Variants in SASH1 observed in about 807,000 individuals in gnomAD.
SASH1 encodes the protein SAM and SH3 domain-containing protein 1.
SASH1 carries 44 observed loss-of-function variants against 125.2 expected under a neutral mutation model. The observed-to-expected ratio is 0.35, with a 90% confidence interval of 0.28 to 0.45. The LOEUF (loss-of-function observed/expected upper bound fraction) is 0.45. Ranked by LOEUF, SASH1 falls within the 20% of genes least tolerant of loss-of-function variation. The probability of loss-of-function intolerance (pLI) is 1.00; values close to 1 mark genes in which losing one functional copy is unlikely to be tolerated. For synonymous variants in SASH1, 639 were observed against 649.1 expected, an observed-to-expected ratio of 0.98 and a Z score of 0.24; for missense variants, 1,426 against 1,614.5, an observed-to-expected ratio of 0.88 and a Z score of 2.00.
At chr6:148,364,052 GGA>G in intron 1 of SASH1, among the ~76,000 whole-genome samples, 1 of 152,032 alleles carries the variant, frequency 6.6e-6, no homozygotes. Flanking sequence ...ATATAAAAAT[GGA>G]GAGTTAGAAA....
Position 148,548,708 on chromosome 6 carries a change from G to T in SASH1, c.*150G>T, listed in dbSNP as rs1425907305. On this transcript the variant is annotated 3_prime_UTR_variant, in exon 20 of 20. Transcript: ENST00000367467. Reference sequence around the variant, plus strand: ...CAAACAGCGTGAAACCTTGGCACAGGACTGAGGATCCTCTCCTCCAGAAAA... The same window carrying T: ...CAAACAGCGTGAAACCTTGGCACAGTACTGAGGATCCTCTCCTCCAGAAAA... 1.7e-5 allele frequency: 14 copies of T among 847,346 alleles called. No homozygotes were observed. The South Asian group carries it at 2.1e-4, about 13-fold the overall frequency. The allele number at this position is 847,346 out of a possible 1,614,324, so 52.5% of individuals were successfully genotyped here.
chr6:148,504,940 G>C (rs751553853), intron 8 of SASH1, among the ~76,000 whole-genome samples: 34 of 152,192 alleles, frequency 2.2e-4, no homozygotes, highest in Non-Finnish European at 4.0e-4. Context: ...GTCCTGTGCT[G>C]TGAGGAGAGG....
intron 7 of SASH1, chr6:148,479,702 CCTTTGGCCTGGCTG>C (rs1298294785): frequency 6.5e-6 from 1 of 154,264 alleles, no homozygotes; most frequent in African/African-American, 2.4e-5. Flanking sequence ...CGGCTTCAAG[CCTTTGGCCTGGCTG>C]CGGCCACGTT....
the SASH1 span, among the ~76,000 whole-genome samples, chr6:148,266,786 T>TG: frequency 0.072 from 10,924 of 151,718 alleles, 429 homozygotes; most frequent in Middle Eastern, 0.12. Context: ...TAATTTTTTT[T>TG]TTTTTGGTAG....
chr6:148,267,365 T>TTGTGTGTGTGTGTGTGTG (rs200228547), upstream of SASH1, among the ~76,000 whole-genome samples: 11,393 of 129,618 alleles, frequency 0.088, 699 homozygotes, highest in Non-Finnish European at 0.1. Flanking sequence ...CAGTACTACT[T>TTGTGTGTGTGTGTGTGTG]TGTGTGTGTG....
chr6:148,261,668 G>A, the SASH1 span, among the ~76,000 whole-genome samples: 2 of 152,246 alleles, frequency 1.3e-5, no homozygotes, highest in Admixed American at 6.5e-5. Flanking sequence ...ATATCTTTGG[G>A]GCTCTGAGGT....
chr6:148,314,064 C>T (rs1414515733), intron 1 of SASH1, among the ~76,000 whole-genome samples: 2 of 150,182 alleles, frequency 1.3e-5, no homozygotes, highest in East Asian at 3.8e-4. Context: ...CAGACATGGT[C>T]TAGAGAGAAA....
At position 148,549,526 on chromosome 6, in the gene SASH1, T is replaced by C. The variant is rs1414516099; in HGVS notation, c.*968T>C. 5.0e-6 allele frequency: 2 copies of C among 398,544 alleles called. No individual in the cohort carries two copies. The highest frequency in any genetic ancestry group is 1.3e-4 in the South Asian group (1 of 7,850). 24.7% of individuals were successfully genotyped at this position (398,544 alleles called of 1,614,324 possible). On this transcript the variant is annotated 3_prime_UTR_variant, in exon 20 of 20. Coordinates refer to ENST00000367467, the MANE Select transcript of SASH1 (RefSeq NM_015278.5). Reference sequence around the variant, plus strand: ...CAGTATTGACTTGGAATCCTGACCATGTCCATCCCAAAATTCAGTCCTCAG... The same window carrying C: ...CAGTATTGACTTGGAATCCTGACCACGTCCATCCCAAAATTCAGTCCTCAG...
At chr6:148,275,737 T>G (rs939635669) in intron 1 of SASH1, among the ~76,000 whole-genome samples, 2 of 152,216 alleles carry the variant, frequency 1.3e-5, no homozygotes, top group African/African-American at 4.8e-5. Context: ...GCAATTATTT[T>G]GGGGCGTGTG....
chr6:148,343,347 C>G (rs749834431), intron 1 of SASH1, 124 bp downstream of exon 1: 36 of 864,514 alleles, frequency 4.2e-5, no homozygotes, highest in Non-Finnish European at 5.9e-5. Flanking sequence ...TTCTCTGGCT[C>G]TAGTTCTTAG....
intron 4 of SASH1, among the ~76,000 whole-genome samples, chr6:148,453,936 A>T (rs980201080): frequency 6.6e-6 from 1 of 152,214 alleles, no homozygotes; most frequent in African/African-American, 2.4e-5. Flanking sequence ...GACCTCATGC[A>T]TCACAGCCCG....
At chr6:148,194,334 T>A in the SASH1 span, among the ~76,000 whole-genome samples, 34 of 152,312 alleles carry the variant, frequency 2.2e-4, no homozygotes, top group African/African-American at 7.2e-4. Flanking sequence ...TCCAGTGGGT[T>A]TTTTGTTTTT....
At chr6:148,356,532 T>C (rs556498597) in intron 1 of SASH1, among the ~76,000 whole-genome samples, 62 of 146,470 alleles carry the variant, frequency 4.2e-4, no homozygotes, top group African/African-American at 1.5e-3. Context: ...GGTTTTGCTC[T>C]TGTCTTGGCT....
intron 2 of SASH1, among the ~76,000 whole-genome samples, chr6:148,414,973 G>C (rs577458000): frequency 6.6e-6 from 1 of 152,292 alleles, no homozygotes; most frequent in East Asian, 1.9e-4. Context: ...CTGAGCCCAG[G>C]AAGAGTTAAT....
the SASH1 span, among the ~76,000 whole-genome samples, chr6:148,253,178 A>G: frequency 6.6e-6 from 1 of 152,210 alleles, no homozygotes; most frequent in African/African-American, 2.4e-5. Context: ...TTCTTATTTC[A>G]AAACTTACTA....
chr6:148,519,572 T>G lies in SASH1; in HGVS notation c.888T>G (p.Asn296Lys). The change falls in exon 10 of 20, where the codon AAT (asparagine) becomes AAG (lysine). Residue 296 changes from asparagine (N) to lysine (K), a missense_variant. This residue lies in a region of SASH1 where 567 missense variants were observed against 575.6 expected (regional missense o/e 0.99). Transcript: ENST00000367467. This position sits in a 1 kb window ranked among gnomAD's most constrained non-coding sequence, Gnocchi z 4.8. The part of the protein sequence containing the change: ...TEGGEEHVFE[N>K]SPVLDERSAL... Reference sequence around the variant, plus strand: ...GTGGGGAGGAGCACGTGTTTGAGAATTCGCCGGTCCTGGATGAACGGTCCG... The same window carrying G: ...GTGGGGAGGAGCACGTGTTTGAGAAGTCGCCGGTCCTGGATGAACGGTCCG... The G allele has an allele frequency of 6.2e-7, 1 of 1,613,904 alleles. No individual in the cohort carries two copies. The highest frequency in any genetic ancestry group is 8.5e-7 in the Non-Finnish European group (1 of 1,179,820).
chr6:148,196,257 A>T, the SASH1 span, among the ~76,000 whole-genome samples: 1 of 152,240 alleles, frequency 6.6e-6, no homozygotes, highest in Non-Finnish European at 1.5e-5. Context: ...GGATAATAGT[A>T]ACCCCTGGGA....
At chr6:148,409,059 C>A (rs528419120) in intron 2 of SASH1, among the ~76,000 whole-genome samples, 1 of 152,230 alleles carries the variant, frequency 6.6e-6, no homozygotes, top group Admixed American at 6.5e-5. Flanking sequence ...CTTGGTTCCC[C>A]AAGCTAAGTG....
chr6:148,387,640 C>CCTTCCT (rs1562371431), intron 1 of SASH1, among the ~76,000 whole-genome samples: 3 of 40,254 alleles, frequency 7.5e-5, no homozygotes, highest in Admixed American at 2.9e-4. Context: ...TTCTTTCTTT[C>CCTTCCT]TTTCTTTCTT....
Sources: allele counts gnomAD v4.1 joint callset (sites outside exome capture counted in the v4.1 genomes callset), GRCh38; gene constraint gnomAD v4.1.1; regional missense constraint gnomAD v4.1.1; non-coding constraint Gnocchi (gnomAD v3.1); transcripts MANE v1.5; gene names NCBI Gene and HGNC (gene_info 2026-07-23, HGNC 2026-07-21).